Variants in MED12L observed in about 807,000 individuals in gnomAD.
The protein encoded by MED12L is mediator of RNA polymerase II transcription subunit 12-like protein.
A neutral mutation model predicts 281.3 loss-of-function variants in MED12L; 60 were observed. That is an observed-to-expected ratio of 0.21 (90% CI 0.17 to 0.26). MED12L has a LOEUF of 0.26. MED12L is among the 10% of genes least tolerant of loss of function. The pLI, the probability that MED12L is intolerant of heterozygous loss-of-function variation, is 1.00. For synonymous variants in MED12L, 974 were observed against 987.2 expected, an observed-to-expected ratio of 0.99 and a Z score of 0.25; for missense variants, 2,146 against 2,680.9, an observed-to-expected ratio of 0.80 and a Z score of 4.41.
At chr3:151,260,554 T>C (rs1023080295) in intron 16 of MED12L, among the ~76,000 whole-genome samples, 3 of 152,156 alleles carry the variant, frequency 2.0e-5, no homozygotes, top group Non-Finnish European at 4.4e-5. Context: ...TCTCACAATG[T>C]TGCCGTGGTC....
chr3:151,394,809 T>TGCAGCA lies in MED12L; in HGVS notation c.5772_5777dup (p.Gln1926_Gln1927dup), dbSNP rs781751830. On this transcript the variant is annotated inframe_insertion, in exon 39 of 45. Transcript: ENST00000687756. ...CAGCAGTTGATACAGATGAAGCTTC[T>TGCAGCA]GCAGCAGCAGCAGCAACAGCGACTT... The TGCAGCA allele has an allele frequency of 8.1e-6, 13 of 1,613,640 alleles. No individual in the cohort carries two copies. In the Admixed American group the frequency reaches 1.2e-4, roughly 14 times the overall value.
chr3:151,400,829 C>T (rs377306655), intron 39 of MED12L, among the ~76,000 whole-genome samples: 5 of 152,104 alleles, frequency 3.3e-5, no homozygotes, highest in African/African-American at 7.2e-5. Flanking sequence ...AGCATAGAGA[C>T]GAGAATAGAA....
At chr3:151,093,305 T>TAAAA (rs1352886644) in intron 2 of MED12L, among the ~76,000 whole-genome samples, 2 of 152,266 alleles carry the variant, frequency 1.3e-5, no homozygotes, top group East Asian at 3.9e-4. Context: ...CCCTGTCTCT[T>TAAAA]AAAAAATGCA....
At position 151,387,827 on chromosome 3, in the gene MED12L, G is replaced by A. The variant is rs778395863; in HGVS notation, c.5106G>A (p.Thr1702=). ...TCCCACAGGGTCTCCAGGTCTCTAC[G>A]AAGCAGAAGGTGTCCCCGTGGGACT... ...IDKKQGLQVS[T]KQKVSPWDLF... The change falls in exon 37 of 45, where the codon ACG becomes ACA. Residue 1702 remains threonine (T), a synonymous_variant. Transcript: ENST00000687756. 16 of 1,613,008 alleles carry A rather than the reference G, an allele frequency of 9.9e-6. No individual in the cohort carries two copies. Among genetic ancestry groups the A allele is most frequent in the South Asian group, 2.2e-5 (2 of 91,006 alleles).
chr3:151,319,468 C>CGTGTGT (rs34335179), intron 16 of MED12L, among the ~76,000 whole-genome samples: 2,900 of 145,614 alleles, frequency 0.02, 39 homozygotes, highest in African/African-American at 0.036. Flanking sequence ...TGTGTGTGTG[C>CGTGTGT]GTGTGTGTGT....
intron 16 of MED12L, among the ~76,000 whole-genome samples, chr3:151,257,236 T>C (rs867275372): frequency 6.6e-6 from 1 of 152,260 alleles, no homozygotes; most frequent in Non-Finnish European, 1.5e-5. Context: ...TTCAGTGTAA[T>C]TCTCAGTTTA....
At chr3:151,358,986 A>T (rs1348405967) in intron 20 of MED12L, among the ~76,000 whole-genome samples, 2 of 152,152 alleles carry the variant, frequency 1.3e-5, no homozygotes, top group Non-Finnish European at 2.9e-5. Context: ...TTACAAAGGT[A>T]TATTGCTTGG....
chr3:151,413,707 A>C (rs1336892194), intron 42 of MED12L, among the ~76,000 whole-genome samples: 1 of 152,192 alleles, frequency 6.6e-6, no homozygotes, highest in East Asian at 1.9e-4. Context: ...TGCAATCTAA[A>C]AACATTTCTA....
chr3:151,252,007 TG>T (rs1009408512), intron 16 of MED12L, among the ~76,000 whole-genome samples: 5 of 152,168 alleles, frequency 3.3e-5, no homozygotes, highest in Admixed American at 1.3e-4. Context: ...CTGTGTAATT[TG>T]TCTGAGTTCT....
intron 16 of MED12L, among the ~76,000 whole-genome samples, chr3:151,335,776 G>A (rs1433051354): frequency 6.6e-6 from 1 of 152,166 alleles, no homozygotes; most frequent in African/African-American, 2.4e-5. Flanking sequence ...TAAGGTCTCT[G>A]AATAAAGATA....
At chr3:151,379,978 T>A (rs1711959617) in intron 31 of MED12L, 135 bp from the exon 32 acceptor site, 2 of 568,338 alleles carry the variant, frequency 3.5e-6, no homozygotes, top group East Asian at 6.3e-5. Flanking sequence ...AGGTATGATT[T>A]AAATTTTCAA....
At chr3:151,103,763 T>G (rs542560259) in intron 2 of MED12L, among the ~76,000 whole-genome samples, 11 of 152,174 alleles carry the variant, frequency 7.2e-5, no homozygotes, top group Non-Finnish European at 1.5e-4. Context: ...GGAGATGGGA[T>G]TCCAGTTTAA....
intron 42 of MED12L, 46 bp downstream of exon 42, chr3:151,413,341 T>C (rs1717167917): frequency 1.3e-6 from 2 of 1,557,718 alleles, no homozygotes; most frequent in Non-Finnish European, 1.7e-6. Flanking sequence ...CTTCAGACAG[T>C]GCAAATATGC....
Position 151,216,165 on chromosome 3 carries a change from A to T in MED12L, c.2250+22499A>T, listed in dbSNP as rs139588304. On this transcript the variant is annotated intron_variant, in intron 16 of 44. Coordinates refer to ENST00000687756, the MANE Select transcript of MED12L (RefSeq NM_001393769.1). ...ATTTTTTTACTCTTGAATTCTTTGC[A>T]TAATATTTAGGGCATTAGATAGTTA... 1.7e-3 allele frequency among the ~76,000 whole-genome samples: 261 copies of T among 152,314 alleles called. 1 individual carries two copies. Among genetic ancestry groups the T allele is most frequent in the African/African-American group, 5.7e-3 (238 of 41,570 alleles).
chr3:151,209,730 G>C (rs1359945547), intron 16 of MED12L, among the ~76,000 whole-genome samples: 1 of 152,042 alleles, frequency 6.6e-6, no homozygotes, highest in African/African-American at 2.4e-5. Context: ...GATACAGATG[G>C]CAGCGATAGG....
intron 16 of MED12L, among the ~76,000 whole-genome samples, chr3:151,330,420 AT>A (rs907020332): frequency 6.6e-6 from 1 of 151,980 alleles, no homozygotes; most frequent in East Asian, 1.9e-4. Flanking sequence ...ATATCTGTGC[AT>A]TTTTTTTGCT....
At chr3:151,300,304 C>T in intron 16 of MED12L, 1 of 603,690 alleles carries the variant, frequency 1.7e-6, no homozygotes, top group Non-Finnish European at 3.0e-6. Flanking sequence ...ATTCAGAAAG[C>T]ATGTGCTCTT....
intron 16 of MED12L, among the ~76,000 whole-genome samples, chr3:151,274,120 C>A (rs1223085544): frequency 6.6e-6 from 1 of 152,196 alleles, no homozygotes; most frequent in Non-Finnish European, 1.5e-5. Flanking sequence ...GATGAACCAA[C>A]CCATATTCAG....
chr3:151,367,802 A>G (rs1181891257), intron 24 of MED12L, 36 bp downstream of exon 24: 2 of 1,577,064 alleles, frequency 1.3e-6, no homozygotes, highest in Admixed American at 3.6e-5. Context: ...TTGCTCTTTG[A>G]TTGTTGTCTT....
Sources: allele counts gnomAD v4.1 joint callset (sites outside exome capture counted in the v4.1 genomes callset), GRCh38; gene constraint gnomAD v4.1.1; transcripts MANE v1.5; gene names NCBI Gene and HGNC (gene_info 2026-07-23, HGNC 2026-07-21).